The following GPC5 variants were observed in gnomAD, a reference collection of about 807,000 sequenced individuals.
GPC5 encodes glypican-5.
Under a neutral mutation model 53.9 loss-of-function variants are expected in GPC5, and 47 were observed. The ratio of observed to expected loss-of-function variants is 0.87; its 90% CI spans 0.69 to 1.11. The LOEUF is 1.11. Among genes scored for constraint, GPC5 ranks in the 50% most tolerant of loss-of-function variants. The probability of loss-of-function intolerance (pLI) is 0.00; values close to 1 mark genes in which losing one functional copy is unlikely to be tolerated. For missense variants in GPC5, 748 were observed against 713.1 expected (o/e 1.05, Z -0.56); for synonymous variants, 286 against 263.3 (o/e 1.09, Z -0.84).
intron 7 of GPC5, among the ~76,000 whole-genome samples, chr13:92,165,093 G>A (rs1184984170): frequency 2.6e-5 from 4 of 152,158 alleles, no homozygotes; most frequent in Admixed American, 6.5e-5. Flanking sequence ...AGGGGCTGCC[G>A]TGAAAGTTTC....
chr13:92,181,225 TTAAAAC>T (rs1029967166), intron 7 of GPC5, among the ~76,000 whole-genome samples: 30 of 151,972 alleles, frequency 2.0e-4, no homozygotes, highest in African/African-American at 6.8e-4. Context: ...GAAAAAAAAA[TTAAAAC>T]TACTCACATG....
intron 7 of GPC5, among the ~76,000 whole-genome samples, chr13:92,614,105 GA>G (rs1360071415): frequency 6.6e-6 from 1 of 152,000 alleles, no homozygotes; most frequent in African/African-American, 2.4e-5. Flanking sequence ...GCAAAAGAAT[GA>G]ATCTCCACCC....
intron 2 of GPC5, among the ~76,000 whole-genome samples, chr13:91,547,270 T>A (rs892833434): frequency 6.6e-6 from 1 of 152,032 alleles, no homozygotes; most frequent in African/African-American, 2.4e-5. Context: ...AGTGTATTAC[T>A]GTCTAAGAGA....
chr13:92,494,100 GTTTTT>G (rs56882247), intron 7 of GPC5, among the ~76,000 whole-genome samples: 1 of 112,682 alleles, frequency 8.9e-6, no homozygotes, highest in African/African-American at 3.0e-5. Flanking sequence ...GTTTTGTTTT[GTTTTT>G]TTGAGACGGA....
At chr13:92,728,272 T>A (rs75220877) in intron 7 of GPC5, among the ~76,000 whole-genome samples, 1,896 of 151,564 alleles carry the variant, frequency 0.013, 48 homozygotes, top group African/African-American at 0.043. Context: ...TTTGATGAAA[T>A]GTTTCAGCCC....
intron 7 of GPC5, among the ~76,000 whole-genome samples, chr13:92,752,004 T>C (rs986559807): frequency 1.3e-5 from 2 of 151,914 alleles, no homozygotes; most frequent in African/African-American, 2.4e-5. Flanking sequence ...TTGAATATAA[T>C]AGTATCTGTT....
At chr13:91,748,841 G>A (rs376960610) in intron 4 of GPC5, among the ~76,000 whole-genome samples, 1 of 151,992 alleles carries the variant, frequency 6.6e-6, no homozygotes, top group South Asian at 2.1e-4. Context: ...GACAATTCTG[G>A]GTGGAGGAAA....
intron 2 of GPC5, among the ~76,000 whole-genome samples, chr13:91,586,156 GACAA>G (rs1439522115): frequency 1.3e-5 from 2 of 151,152 alleles, no homozygotes; most frequent in Non-Finnish European, 2.9e-5. Flanking sequence ...AAATATGATA[GACAA>G]ACAATTTGCG....
rs574618033 is a variant in GPC5 at position 91,811,867 on chromosome 13, T to C, written c.1280+55447T>C. ...AAAGCAGTCACACATTGGTAACATC[T>C]TTCCTGAATTATGTTACTACATCAC... On this transcript the variant is annotated intron_variant, in intron 5 of 7. Transcript: ENST00000377067. Among the ~76,000 whole-genome samples, 3 of 152,340 alleles carry C rather than the reference T, an allele frequency of 2.0e-5. No homozygotes were observed. The South Asian group carries it at 6.2e-4, about 32-fold the overall frequency.
chr13:92,841,629 C>T (rs957196580), intron 7 of GPC5, among the ~76,000 whole-genome samples: 3 of 152,042 alleles, frequency 2.0e-5, no homozygotes, highest in African/African-American at 7.2e-5. Flanking sequence ...TTAAGTACTT[C>T]CTCCTTATTA....
intron 5 of GPC5, among the ~76,000 whole-genome samples, chr13:91,820,981 TA>T (rs1239803579): frequency 1.4e-5 from 2 of 141,792 alleles, no homozygotes; most frequent in African/African-American, 2.7e-5. Flanking sequence ...AATAAACAAA[TA>T]AAATAAAAAA....
chr13:91,441,534 C>T (rs1480519764), intron 1 of GPC5, among the ~76,000 whole-genome samples: 1 of 152,104 alleles, frequency 6.6e-6, no homozygotes, highest in Non-Finnish European at 1.5e-5. Context: ...CACCTTTGTA[C>T]CATCGAATTC....
At chr13:91,887,963 T>C (rs2138962888) in intron 5 of GPC5, among the ~76,000 whole-genome samples, 1 of 152,220 alleles carries the variant, frequency 6.6e-6, no homozygotes, top group East Asian at 1.9e-4. Flanking sequence ...AGTTTCAAAG[T>C]CGCTGCCACA....
At chr13:92,115,679 G>T (rs779504521) in intron 6 of GPC5, among the ~76,000 whole-genome samples, 3 of 152,106 alleles carry the variant, frequency 2.0e-5, no homozygotes, top group Non-Finnish European at 4.4e-5. Flanking sequence ...TCTTTCTCAT[G>T]GTATTTCAGG....
At chr13:91,724,481 A>G (rs2036537990) in intron 3 of GPC5, among the ~76,000 whole-genome samples, 1 of 151,960 alleles carries the variant, frequency 6.6e-6, no homozygotes, top group Admixed American at 6.6e-5. Context: ...TTCAATTTGT[A>G]ATATTCTAAA....
At chr13:92,225,678 A>G (rs1456807052) in intron 7 of GPC5, among the ~76,000 whole-genome samples, 2 of 152,316 alleles carry the variant, frequency 1.3e-5, no homozygotes, top group East Asian at 3.9e-4. Flanking sequence ...TTTCAAATAT[A>G]TATGCATGAA....
At chr13:91,985,904 A>G (rs2040402319) in intron 6 of GPC5, among the ~76,000 whole-genome samples, 1 of 151,438 alleles carries the variant, frequency 6.6e-6, no homozygotes, top group African/African-American at 2.5e-5. Flanking sequence ...AAAAAAGATG[A>G]AAACCAAAAT....
intron 2 of GPC5, among the ~76,000 whole-genome samples, chr13:91,562,215 A>AAAAAAAAAAG (rs71113746): frequency 1.0e-5 from 1 of 98,912 alleles, no homozygotes; most frequent in African/African-American, 3.7e-5. Context: ...AAAAAAAAAA[A>AAAAAAAAAAG]TAGAGAATTC....
intron 7 of GPC5, among the ~76,000 whole-genome samples, chr13:92,313,033 G>T (rs1566533743): frequency 6.6e-6 from 1 of 152,028 alleles, no homozygotes; most frequent in Non-Finnish European, 1.5e-5. Flanking sequence ...GTTAATGATG[G>T]GGATCACCTA....
Sources: gnomAD v4.1 joint callset for allele counts (sites outside exome capture counted in the v4.1 genomes callset) on GRCh38, gnomAD v4.1.1 for gene constraint, MANE v1.5 for transcripts, NCBI Gene and HGNC (gene_info 2026-07-23, HGNC 2026-07-21) for gene names.